Variants in ZDHHC17 observed in about 807,000 individuals in gnomAD.
ZDHHC17 encodes zDHHC palmitoyltransferase 17.
ZDHHC17 carries 40 observed loss-of-function variants against 90.3 expected under a neutral mutation model. The observed-to-expected ratio is 0.44, with a 90% confidence interval of 0.34 to 0.58. The LOEUF is 0.58. Among genes scored for constraint, ZDHHC17 ranks in the 20% least tolerant of loss-of-function variants. The probability of loss-of-function intolerance (pLI) is 0.01; values close to 1 mark genes in which losing one functional copy is unlikely to be tolerated. For synonymous variants in ZDHHC17, 235 were observed against 252.4 expected, an observed-to-expected ratio of 0.93 and a Z score of 0.65; for missense variants, 614 against 780.8, an observed-to-expected ratio of 0.79 and a Z score of 2.55.
intron 1 of ZDHHC17, among the ~76,000 whole-genome samples, chr12:76,765,976 A>G (rs1952426025): frequency 6.6e-6 from 1 of 152,220 alleles, no homozygotes; most frequent in Admixed American, 6.5e-5. Context: ...TGCTGGGATT[A>G]CAGGCATGAG....
intron 1 of ZDHHC17, among the ~76,000 whole-genome samples, chr12:76,796,533 A>G (rs1952821358): frequency 6.6e-6 from 1 of 152,080 alleles, no homozygotes; most frequent in African/African-American, 2.4e-5. Context: ...ATGGATTTTT[A>G]TATAAAATCT....
At chr12:76,846,997 G>T (rs1233261993) in intron 14 of ZDHHC17, among the ~76,000 whole-genome samples, 1 of 152,170 alleles carries the variant, frequency 6.6e-6, no homozygotes, top group Admixed American at 6.5e-5. Flanking sequence ...TACTATAGTA[G>T]CTTATAGATT....
chr12:76,776,801 GT>G (rs1414728850), intron 1 of ZDHHC17, among the ~76,000 whole-genome samples: 2 of 152,134 alleles, frequency 1.3e-5, no homozygotes, highest in Non-Finnish European at 2.9e-5. Context: ...TATACAGAAA[GT>G]TCAATTGGAC....
chr12:76,764,198 T>A lies in ZDHHC17; in HGVS notation c.-39T>A. 1 of 1,299,082 alleles carries A rather than the reference T, an allele frequency of 7.7e-7. No individual in the cohort carries two copies. Among genetic ancestry groups the A allele is most frequent in the East Asian group, 3.2e-5 (1 of 30,960 alleles). 80.5% of individuals were successfully genotyped at this position (1,299,082 alleles called of 1,614,324 possible). ...GCTCGCCCCGCGCTCGCCCTCCGCC[T>A]CGCCCGAGCCCCGGGAGGGTGAAAC... On this transcript the variant is annotated 5_prime_UTR_variant, in exon 1 of 17. Transcript: ENST00000426126.
At chr12:76,771,757 A>G (rs547058274) in intron 1 of ZDHHC17, among the ~76,000 whole-genome samples, 1 of 152,146 alleles carries the variant, frequency 6.6e-6, no homozygotes, top group East Asian at 1.9e-4. Context: ...AAAAAAAAAA[A>G]GTTCTTTGAG....
In ZDHHC17 at chr12:76,841,976, A is replaced by C; in HGVS notation, c.1142-6A>C. 6.5e-7 allele frequency: 1 copy of C among 1,547,752 alleles called. No individual in the cohort carries two copies. Among genetic ancestry groups the C allele is most frequent in the Non-Finnish European group, 8.7e-7 (1 of 1,148,856 alleles). On this transcript the variant is annotated splice_region_variant and splice_polypyrimidine_tract_variant and intron_variant, in intron 10 of 16. Transcript: ENST00000426126. Reference sequence around the variant, plus strand: ...TTGCTTCTTTAGATTCCTTAACCTTAGGCACATCTCAACTTTTTATTTATC... The same window carrying C: ...TTGCTTCTTTAGATTCCTTAACCTTCGGCACATCTCAACTTTTTATTTATC...
chr12:76,776,516 T>C (rs1019147844), intron 1 of ZDHHC17, among the ~76,000 whole-genome samples: 8 of 152,344 alleles, frequency 5.3e-5, no homozygotes, highest in African/African-American at 1.9e-4. Flanking sequence ...ATTACATAAA[T>C]GTTATGTTAT....
chr12:76,783,955 G>C (rs1479429065), intron 1 of ZDHHC17, among the ~76,000 whole-genome samples: 1 of 152,218 alleles, frequency 6.6e-6, no homozygotes, highest in Non-Finnish European at 1.5e-5. Context: ...TTCTCCCCTA[G>C]AGCCTCTGGA....
At chr12:76,823,545 T>C (rs1279271440) in intron 8 of ZDHHC17, among the ~76,000 whole-genome samples, 5 of 152,244 alleles carry the variant, frequency 3.3e-5, no homozygotes, top group African/African-American at 9.6e-5. Flanking sequence ...AGATGTCTGC[T>C]AACTTGTCAG....
chr12:76,771,820 CA>C lies in ZDHHC17; in HGVS notation c.93+7493del, dbSNP rs34915079. ...AGGATCCTCTTGTTGCAGATGTCAA[CA>C]ATCTTGTCTGAAACATAGTTGGGCA... On this transcript the variant is annotated intron_variant, in intron 1 of 16. Coordinates refer to ENST00000426126, the MANE Select transcript of ZDHHC17 (RefSeq NM_015336.4). 3.2e-3 allele frequency among the ~76,000 whole-genome samples: 480 copies of C among 152,078 alleles called. 4 individuals carry two copies. Among genetic ancestry groups the C allele is most frequent in the African/African-American group, 0.011 (436 of 41,508 alleles).
rs755808673 is a variant in ZDHHC17 at position 76,842,092 on chromosome 12, G to A, written c.1252G>A (p.Glu418Lys). Residue 418 changes from glutamate to lysine, a missense_variant, in exon 11 of 17, where the codon GAG (glutamate) becomes AAG (lysine). Transcript: ENST00000426126. ...TCCAGGGATTATTAAAGCAACAGAA[G>A]AGCAAAAGAAAAAGGTAGCAAAATA... ...SDPGIIKATE[E>K]QKKKTIVELA... The A allele has an allele frequency of 6.3e-6, 10 of 1,576,526 alleles. No individual in the cohort carries two copies. The highest frequency in any genetic ancestry group is 8.6e-6 in the Non-Finnish European group (10 of 1,165,162).
intron 5 of ZDHHC17, among the ~76,000 whole-genome samples, chr12:76,811,734 TCTG>T (rs1953024473): frequency 1.1e-5 from 1 of 94,112 alleles, no homozygotes; most frequent in Non-Finnish European, 2.4e-5. Context: ...CCCTTGGCCA[TCTG>T]CTGACTGAGG....
chr12:76,778,875 G>T (rs1952592695), intron 1 of ZDHHC17, among the ~76,000 whole-genome samples: 1 of 152,150 alleles, frequency 6.6e-6, no homozygotes, highest in Non-Finnish European at 1.5e-5. Flanking sequence ...GAGGCTAGAA[G>T]TCCAAGATCA....
chr12:76,839,593 A>G (rs867820732), intron 10 of ZDHHC17, among the ~76,000 whole-genome samples: 6 of 152,208 alleles, frequency 3.9e-5, no homozygotes, highest in South Asian at 4.1e-4. Flanking sequence ...AAAACATCCA[A>G]CTAGATTAAA....
At position 76,822,490 on chromosome 12, in the gene ZDHHC17, T is replaced by C; in HGVS notation, c.856T>C (p.Tyr286His). 6.2e-7 allele frequency: 1 copy of C among 1,611,712 alleles called. No homozygotes were observed. Residue 286 changes from tyrosine (Y) to histidine (H), a missense_variant, in exon 8 of 17, where the codon TAT becomes CAT. By Grantham distance (83) the Tyr-to-His change is moderately conservative. Coordinates refer to ENST00000426126, the MANE Select transcript of ZDHHC17 (RefSeq NM_015336.4). ...ACAAGAGGCAAGGCAAGCAAAAGGA[T>C]ATGACAATCCGTCCTTCCTTAGAAA... ...HLQEARQAKG[Y>H]DNPSFLRKLK...
intron 2 of ZDHHC17, among the ~76,000 whole-genome samples, chr12:76,804,781 G>A (rs1425442000): frequency 1.3e-5 from 2 of 152,126 alleles, no homozygotes; most frequent in Non-Finnish European, 2.9e-5. Context: ...GCTGCCCTGG[G>A]TGTGTCTGCC....
chr12:76,782,568 A>G (rs1480952524), intron 1 of ZDHHC17, among the ~76,000 whole-genome samples: 2 of 152,072 alleles, frequency 1.3e-5, no homozygotes, highest in African/African-American at 4.8e-5. Flanking sequence ...AAACTTAAAG[A>G]AAGTTGCCTG....
intron 8 of ZDHHC17, among the ~76,000 whole-genome samples, chr12:76,823,573 G>A (rs1359033112): frequency 2.0e-5 from 3 of 152,178 alleles, no homozygotes; most frequent in African/African-American, 4.8e-5. Context: ...AACTTGAGTA[G>A]CATTAAGTTT....
intron 1 of ZDHHC17, among the ~76,000 whole-genome samples, chr12:76,793,434 G>C (rs1000243123): frequency 1.3e-5 from 2 of 152,144 alleles, no homozygotes; most frequent in African/African-American, 2.4e-5. Flanking sequence ...GCAGGAGAAT[G>C]GTTTGTACCT....
Sources: allele counts gnomAD v4.1 joint callset (sites outside exome capture counted in the v4.1 genomes callset), GRCh38; gene constraint gnomAD v4.1.1; transcripts MANE v1.5; gene names NCBI Gene and HGNC (gene_info 2026-07-23, HGNC 2026-07-21).